NAALADL2: variants seen among roughly 807,000 people sequenced by gnomAD.
The protein encoded by NAALADL2 is inactive N-acetylated-alpha-linked acidic dipeptidase-like protein 2.
A neutral mutation model predicts 87.2 loss-of-function variants in NAALADL2; 76 were observed. The observed-to-expected ratio is 0.87, with a 90% CI of 0.72 to 1.05. The LOEUF (loss-of-function observed/expected upper bound fraction) is 1.05. Ranked by LOEUF, NAALADL2 falls within the 50% of genes least tolerant of loss-of-function variation. The probability of loss-of-function intolerance (pLI) is 0.00; values close to 1 mark genes in which losing one functional copy is unlikely to be tolerated. For synonymous variants in NAALADL2, 354 were observed against 331.0 expected, an observed-to-expected ratio of 1.07 and a Z score of -0.75; for missense variants, 1,089 against 945.8, an observed-to-expected ratio of 1.15 and a Z score of -1.99.
At chr3:174,621,496 T>C (rs1720988983) in intron 2 of NAALADL2, among the ~76,000 whole-genome samples, 1 of 152,122 alleles carries the variant, frequency 6.6e-6, no homozygotes, top group South Asian at 2.1e-4. Context: ...GGATAATATA[T>C]GTAGGATAAA....
intron 2 of NAALADL2, among the ~76,000 whole-genome samples, chr3:175,206,128 G>A (rs938162840): frequency 6.6e-5 from 10 of 151,042 alleles, no homozygotes; most frequent in African/African-American, 2.4e-4. Flanking sequence ...GTCATTATAC[G>A]AATAAGATAC....
At position 175,324,337 on chromosome 3, in the gene NAALADL2, G is replaced by C. The variant is rs201280209; in HGVS notation, c.1090+12G>C. On this transcript the variant is annotated intron_variant, in intron 5 of 13. Transcript: ENST00000454872. ...TTACCCAAGTGTCGGTAAGTTTGTT[G>C]GTCATCATTATTATACTTGTAAGTA... 3 of 1,605,834 alleles carry C rather than the reference G, an allele frequency of 1.9e-6. No homozygotes were observed. The highest frequency in any genetic ancestry group is 2.5e-6 in the Non-Finnish European group (3 of 1,176,614).
chr3:175,383,498 C>G (rs1768018990), intron 5 of NAALADL2, among the ~76,000 whole-genome samples: 1 of 151,970 alleles, frequency 6.6e-6, no homozygotes, highest in African/African-American at 2.4e-5. Context: ...CTACAGTTAC[C>G]ATGTGGTGCA....
At chr3:175,384,239 G>A (rs1472390464) in intron 5 of NAALADL2, among the ~76,000 whole-genome samples, 1 of 151,872 alleles carries the variant, frequency 6.6e-6, no homozygotes, top group African/African-American at 2.4e-5. Context: ...CCTATTGTCT[G>A]CATTATCTTA....
chr3:175,513,441 T>C (rs1177082954), intron 9 of NAALADL2, among the ~76,000 whole-genome samples: 1 of 152,242 alleles, frequency 6.6e-6, no homozygotes, highest in Non-Finnish European at 1.5e-5. Flanking sequence ...TCATTATTAC[T>C]GAAAATTATT....
chr3:174,997,058 ATT>A (rs200338062), intron 1 of NAALADL2, among the ~76,000 whole-genome samples: 18 of 125,984 alleles, frequency 1.4e-4, no homozygotes, highest in African/African-American at 3.8e-4. Flanking sequence ...ATATATATAT[ATT>A]TTTTTTTTTA....
intron 1 of NAALADL2, among the ~76,000 whole-genome samples, chr3:174,981,336 A>G (rs540000787): frequency 4.6e-5 from 7 of 152,318 alleles, no homozygotes; most frequent in African/African-American, 1.7e-4. Flanking sequence ...TGTAATCTTT[A>G]TAAACCCCAA....
chr3:174,761,018 C>T (rs181013320), intron 3 of NAALADL2, among the ~76,000 whole-genome samples: 37 of 152,248 alleles, frequency 2.4e-4, no homozygotes, highest in Middle Eastern at 3.4e-3. Context: ...ATTCACAGGC[C>T]CATTAAACTT....
At chr3:175,233,546 A>G (rs1745326038) in intron 2 of NAALADL2, among the ~76,000 whole-genome samples, 1 of 152,130 alleles carries the variant, frequency 6.6e-6, no homozygotes, top group South Asian at 2.1e-4. Flanking sequence ...GGCTCAAGTG[A>G]TCATCCCACC....
intron 9 of NAALADL2, among the ~76,000 whole-genome samples, chr3:175,572,279 T>A (rs977825397): frequency 6.6e-6 from 1 of 152,102 alleles, no homozygotes; most frequent in African/African-American, 2.4e-5. Flanking sequence ...TTTTTCTATA[T>A]GCTATCCCCT....
intron 9 of NAALADL2, among the ~76,000 whole-genome samples, chr3:175,499,004 T>G (rs1262800167): frequency 1.3e-5 from 2 of 152,122 alleles, no homozygotes; most frequent in Non-Finnish European, 2.9e-5. Context: ...GCTATGAATT[T>G]CAGGTTATTT....
rs140167335 is a variant in NAALADL2 at position 175,416,993 on chromosome 3, A to T, written c.1091-30236A>T. 3.9e-3 allele frequency among the ~76,000 whole-genome samples: 596 copies of T among 151,714 alleles called. 8 individuals carry two copies. Among genetic ancestry groups the T allele is most frequent in the African/African-American group, 0.014 (561 of 41,500 alleles). On this transcript the variant is annotated intron_variant, in intron 5 of 13. Transcript: ENST00000454872. ...GAGGGATAAATCAGTGTTAAGATGG[A>T]CTTTATAGAGCACTAAGCAATTGTT... is the stretch of plus-strand genomic sequence containing the variant.
intron 2 of NAALADL2, among the ~76,000 whole-genome samples, chr3:175,228,630 A>C (rs1046250950): frequency 1.6e-4 from 25 of 151,982 alleles, no homozygotes; most frequent in African/African-American, 5.8e-4. Flanking sequence ...CATTTTAAAA[A>C]ATTCTTAAAT....
intron 9 of NAALADL2, among the ~76,000 whole-genome samples, chr3:175,486,431 C>T (rs137960033): frequency 1.3e-5 from 2 of 152,218 alleles, no homozygotes; most frequent in East Asian, 3.9e-4. Context: ...ACTCAAAGGA[C>T]GTTTGTTACC....
At chr3:175,380,108 G>A (rs1388511335) in intron 5 of NAALADL2, among the ~76,000 whole-genome samples, 2 of 152,010 alleles carry the variant, frequency 1.3e-5, no homozygotes, top group South Asian at 4.1e-4. Flanking sequence ...TAAATGACGA[G>A]TTAATGGGTG....
chr3:174,640,847 T>C (rs1219271865), intron 2 of NAALADL2, among the ~76,000 whole-genome samples: 1 of 152,146 alleles, frequency 6.6e-6, no homozygotes, highest in Non-Finnish European at 1.5e-5. Context: ...GGGCACTCCA[T>C]TGTTGAGAGC....
chr3:174,807,689 T>C (rs941527612), intron 3 of NAALADL2, among the ~76,000 whole-genome samples: 4 of 152,128 alleles, frequency 2.6e-5, no homozygotes, highest in Non-Finnish European at 5.9e-5. Context: ...TTCTTTGGAA[T>C]GTAATTTTAA....
chr3:175,414,435 T>A (rs2149100643), intron 5 of NAALADL2, among the ~76,000 whole-genome samples: 1 of 152,334 alleles, frequency 6.6e-6, no homozygotes, highest in African/African-American at 2.4e-5. Context: ...TTTGGGCTAC[T>A]TATAGACTAC....
chr3:175,061,092 T>C (rs897729055), intron 1 of NAALADL2, among the ~76,000 whole-genome samples: 1 of 152,126 alleles, frequency 6.6e-6, no homozygotes. Context: ...GTATTTGTAA[T>C]TTTATAAATA....
Sources: allele counts gnomAD v4.1 joint callset (sites outside exome capture counted in the v4.1 genomes callset), GRCh38; gene constraint gnomAD v4.1.1; transcripts MANE v1.5; gene names NCBI Gene and HGNC (gene_info 2026-07-23, HGNC 2026-07-21).